Variants in EFCAB11 observed in about 807,000 individuals in gnomAD.
The protein encoded by EFCAB11 is EF-hand calcium-binding domain-containing protein 11.
In EFCAB11, 14 loss-of-function variants were observed where a neutral mutation model predicts 23.0. The observed-to-expected ratio is 0.61, with a 90% CI of 0.40 to 0.95. The LOEUF (loss-of-function observed/expected upper bound fraction) is 0.95, where lower values mean the gene tolerates loss of function less well. Among genes scored for constraint, EFCAB11 ranks in the 40% least tolerant of loss-of-function variants. The pLI is 0.00. For synonymous variants in EFCAB11, 65 were observed against 66.6 expected (o/e 0.98, Z 0.11); for missense variants, 198 against 195.8 (o/e 1.01, Z -0.07).
intron 3 of EFCAB11, among the ~76,000 whole-genome samples, chr14:89,934,170 G>A (rs1232162930): frequency 3.9e-5 from 6 of 152,176 alleles, no homozygotes. Flanking sequence ...TTTGAATTGG[G>A]AAGTTACATG....
intron 5 of EFCAB11, among the ~76,000 whole-genome samples, chr14:89,875,724 C>T (rs1053333268): frequency 2.6e-5 from 4 of 152,082 alleles, no homozygotes; most frequent in African/African-American, 9.7e-5. Flanking sequence ...GAAAGACGTT[C>T]AGTAGGAGTT....
At chr14:89,829,761 T>A (rs1487658341) in intron 5 of EFCAB11, 2 of 152,242 alleles carry the variant, frequency 1.3e-5, no homozygotes, top group African/African-American at 4.8e-5. Context: ...TAGTGATGAT[T>A]CTGATATTGC....
At chr14:89,906,131 T>C (rs1889488219) in intron 5 of EFCAB11, among the ~76,000 whole-genome samples, 1 of 151,684 alleles carries the variant, frequency 6.6e-6, no homozygotes. Context: ...TCATGAGGAT[T>C]ACATGAAATA....
chr14:89,886,993 A>T (rs951467490), intron 5 of EFCAB11, among the ~76,000 whole-genome samples: 1 of 152,214 alleles, frequency 6.6e-6, no homozygotes, highest in Admixed American at 6.5e-5. Context: ...ATTTGAATTA[A>T]CAAAGATCAA....
intron 5 of EFCAB11, among the ~76,000 whole-genome samples, chr14:89,884,759 G>A (rs1310577184): frequency 1.3e-5 from 2 of 152,120 alleles, no homozygotes; most frequent in Admixed American, 6.5e-5. Context: ...ATTCTGTGTC[G>A]AATCCCTCAC....
intron 5 of EFCAB11, among the ~76,000 whole-genome samples, chr14:89,882,294 G>T (rs2140177104): frequency 6.6e-6 from 1 of 152,284 alleles, no homozygotes; most frequent in Middle Eastern, 3.4e-3. Context: ...TAAGGGTGAA[G>T]CACAATGGGA....
intron 5 of EFCAB11, among the ~76,000 whole-genome samples, chr14:89,842,704 T>G (rs567981372): frequency 6.6e-6 from 1 of 152,014 alleles, no homozygotes; most frequent in African/African-American, 2.4e-5. Flanking sequence ...TCAGAGGAGG[T>G]CCTGCCTCCT....
At chr14:89,942,519 C>T (rs1356452392) in intron 3 of EFCAB11, among the ~76,000 whole-genome samples, 3 of 152,118 alleles carry the variant, frequency 2.0e-5, no homozygotes, top group Non-Finnish European at 4.4e-5. Flanking sequence ...ATTCTATACA[C>T]TTGGAAAAGT....
chr14:89,920,032 T>A (rs991961091), intron 5 of EFCAB11, among the ~76,000 whole-genome samples: 8 of 152,226 alleles, frequency 5.3e-5, no homozygotes, highest in Non-Finnish European at 2.9e-5. Context: ...CCACTCCAGT[T>A]AAAATTATGA....
chr14:89,894,594 A>G (rs1889101426), intron 5 of EFCAB11, among the ~76,000 whole-genome samples: 1 of 152,158 alleles, frequency 6.6e-6, no homozygotes, highest in Non-Finnish European at 1.5e-5. Context: ...TAAGTGATAA[A>G]ATATTGAAAT....
chr14:89,907,558 C>T (rs946819501), intron 5 of EFCAB11, among the ~76,000 whole-genome samples: 2 of 152,124 alleles, frequency 1.3e-5, no homozygotes, highest in Non-Finnish European at 2.9e-5. Context: ...GATTATATAG[C>T]TCTATTTTTT....
Position 89,933,533 on chromosome 14 carries a change from T to C in EFCAB11, c.218-906A>G, listed in dbSNP as rs544560666. ...AAATAGTTCCAATCATTTAAAAAAA[T>C]GTAGAAATGATTTTCTTAATTTCCT... is the stretch of plus-strand genomic sequence containing the variant. On this transcript the variant is annotated intron_variant, in intron 3 of 5. Transcript: ENST00000316738. 6.0e-4 allele frequency among the ~76,000 whole-genome samples: 92 copies of C among 152,338 alleles called. 1 individual carries two copies. Among genetic ancestry groups the C allele is most frequent in the African/African-American group, 1.4e-3 (58 of 41,582 alleles).
intron 3 of EFCAB11, among the ~76,000 whole-genome samples, chr14:89,936,706 C>T (rs1388873735): frequency 1.3e-5 from 2 of 152,102 alleles, no homozygotes; most frequent in Admixed American, 1.3e-4. Context: ...TTGTTCAGCT[C>T]GGCTCTCATG....
At chr14:89,905,458 G>C (rs538010659) in intron 5 of EFCAB11, among the ~76,000 whole-genome samples, 72 of 152,254 alleles carry the variant, frequency 4.7e-4, no homozygotes, top group African/African-American at 1.7e-3. Context: ...GACAGGTATA[G>C]AGCCTACTGT....
rs58541463 is a variant in EFCAB11 at position 89,908,275 on chromosome 14, C to T, written c.410+23266G>A. Among the ~76,000 whole-genome samples, 350 of 152,278 alleles carry T rather than the reference C, an allele frequency of 2.3e-3. 3 individuals are homozygous for T. The highest frequency in any genetic ancestry group is 7.8e-3 in the African/African-American group (323 of 41,556). On this transcript the variant is annotated intron_variant, in intron 5 of 5. Transcript: ENST00000316738. Reference sequence around the variant, plus strand: ...CCAGGCACAGTGTTTGACAGGCATTCGCTCGCTTAATCCTCCAAACAACTC... The same window carrying T: ...CCAGGCACAGTGTTTGACAGGCATTTGCTCGCTTAATCCTCCAAACAACTC...
intron 5 of EFCAB11, among the ~76,000 whole-genome samples, chr14:89,908,655 G>A (rs561554678): frequency 2.6e-5 from 4 of 152,230 alleles, no homozygotes; most frequent in African/African-American, 9.6e-5. Context: ...AACATTTCTG[G>A]TCCCAAGCAC....
At chr14:89,874,937 T>C (rs987960254) in intron 5 of EFCAB11, among the ~76,000 whole-genome samples, 4 of 151,884 alleles carry the variant, frequency 2.6e-5, no homozygotes, top group East Asian at 3.9e-4. Flanking sequence ...CTTTGCTGCT[T>C]AGAAATTTCT....
intron 5 of EFCAB11, among the ~76,000 whole-genome samples, chr14:89,880,738 G>A (rs181074748): frequency 2.6e-5 from 4 of 152,250 alleles, no homozygotes; most frequent in East Asian, 1.9e-4. Context: ...TGTTAAGAGC[G>A]GACTTTGGGG....
At chr14:89,893,857 T>C (rs968269208) in intron 5 of EFCAB11, among the ~76,000 whole-genome samples, 1 of 151,594 alleles carries the variant, frequency 6.6e-6, no homozygotes, top group South Asian at 2.1e-4. Flanking sequence ...AAAAGATGAA[T>C]TGATATTAAA....
Sources: allele counts gnomAD v4.1 joint callset (sites outside exome capture counted in the v4.1 genomes callset), GRCh38; gene constraint gnomAD v4.1.1; transcripts MANE v1.5; gene names NCBI Gene and HGNC (gene_info 2026-07-23, HGNC 2026-07-21).